TEX47: variants seen among roughly 807,000 people sequenced by gnomAD.
TEX47 encodes testis expressed 47, also known as testis-expressed protein 47.
Under a neutral mutation model 18.0 loss-of-function variants are expected in TEX47, and 18 were observed. The observed-to-expected ratio is 1.00, with a 90% confidence interval of 0.69 to 1.48. The LOEUF (loss-of-function observed/expected upper bound fraction) is 1.48. Ranked by LOEUF, TEX47 falls within the 40% of genes most tolerant of loss-of-function variation. The pLI, the probability that TEX47 is intolerant of heterozygous loss-of-function variation, is 0.00. For missense variants in TEX47, 303 were observed against 300.2 expected (o/e 1.01, Z -0.07); for synonymous variants, 98 against 109.4 (o/e 0.90, Z 0.65).
chr7:88,794,272 A>G lies in TEX47; in HGVS notation c.671T>C (p.Met224Thr), dbSNP rs1790435364. ...CATGTTTATAAATGTTGCCGGGTCCATGAATTCTTCGGATTTGCACAAGTA... is the reference window on the plus strand; with the variant it reads ...CATGTTTATAAATGTTGCCGGGTCCGTGAATTCTTCGGATTTGCACAAGTA... The part of the protein sequence containing the change: ...IKYLCKSEEF[M>T]DPATFINMYN... Residue 224 changes from methionine to threonine, a missense_variant, in exon 2 of 2, where the codon ATG becomes ACG. Physicochemically the swap from Met to Thr is moderately conservative, Grantham distance 81. Coordinates refer to ENST00000297203, the MANE Select transcript of TEX47 (RefSeq NM_152706.4). The G allele has an allele frequency of 1.2e-6, 2 of 1,613,710 alleles. No individual in the cohort carries two copies. The highest frequency in any genetic ancestry group is 1.3e-5 in the African/African-American group (1 of 74,890).
At position 88,794,445 on chromosome 7, in the gene TEX47, G is replaced by A. The variant is rs779350706; in HGVS notation, c.498C>T (p.Ser166=). The change falls in exon 2 of 2, where the codon TCC becomes TCT. Residue 166 remains serine, a synonymous_variant. Transcript: ENST00000297203. ...GAAAATCTGTGATGACCTCCTTTAGGGACTGTGACTGTGTCACATCGTCGA... is the reference window on the plus strand; with the variant it reads ...GAAAATCTGTGATGACCTCCTTTAGAGACTGTGACTGTGTCACATCGTCGA... The part of the protein sequence containing the change: ...MYLDDVTQSQ[S]LKEVITDFLT... 6.2e-7 allele frequency: 1 copy of A among 1,613,560 alleles called. No individual in the cohort carries two copies. Among genetic ancestry groups the A allele is most frequent in the Non-Finnish European group, 8.5e-7 (1 of 1,179,842 alleles).
At position 88,794,847 on chromosome 7, in the gene TEX47, G is replaced by T. The variant is rs759518320; in HGVS notation, c.96C>A (p.His32Gln). 11 of 1,613,544 alleles carry T rather than the reference G, an allele frequency of 6.8e-6. No individual in the cohort carries two copies. The highest frequency in any genetic ancestry group is 1.1e-5 in the South Asian group (1 of 91,056). The change falls in exon 2 of 2, where the codon CAC becomes CAA. Residue 32 changes from histidine (H) to glutamine (Q), a missense_variant. Coordinates refer to ENST00000297203, the MANE Select transcript of TEX47 (RefSeq NM_152706.4). Reference sequence around the variant, plus strand: ...GTAGTCGTTGTTTCTCTTCTTGAAAGTGCAGGTAATTGCTACGTGGGACTT... The same window carrying T: ...GTAGTCGTTGTTTCTCTTCTTGAAATTGCAGGTAATTGCTACGTGGGACTT... ...FLQVPRSNYLHFQEEKQRLHL... is the reference protein window; with the variant it reads ...FLQVPRSNYLQFQEEKQRLHL...
rs368075955 is a variant in TEX47, at chr7:88,794,971, T to C, written c.-29A>G. 4.6e-6 allele frequency: 7 copies of C among 1,522,640 alleles called. No homozygotes were observed. The highest frequency in any genetic ancestry group is 6.1e-6 in the Non-Finnish European group (7 of 1,140,516). The allele number at this position is 1,522,640 out of a possible 1,614,324, so 94.3% of individuals were successfully genotyped here. ...GAGTCTTATTTATTTTTCCAGATGA[T>C]TCCAGCTTTTAGCTTATCATAATAT... On this transcript the variant is annotated 5_prime_UTR_variant, in exon 2 of 2. Transcript: ENST00000297203.
Position 88,794,620 on chromosome 7 carries a change from T to C in TEX47, c.323A>G (p.Tyr108Cys), listed in dbSNP as rs1163877278. Residue 108 changes from tyrosine (Y) to cysteine (C), a missense_variant, in exon 2 of 2, where the codon TAC (tyrosine) becomes TGC (cysteine). Physicochemically the swap from Tyr to Cys is radical, Grantham distance 194 (BLOSUM62 -2). Transcript: ENST00000297203. ...GCCAATATAATCTAAAAGAACTTTG[T>C]AGAGAGTGTCGCTGGAGGACTCGAG... ...HILESSSDTLYKVLLDYIGHV... is the reference protein window; with the variant it reads ...HILESSSDTLCKVLLDYIGHV... The C allele has an allele frequency of 6.2e-7, 1 of 1,613,570 alleles. No individual in the cohort carries two copies. Among genetic ancestry groups the C allele is most frequent in the Non-Finnish European group, 8.5e-7 (1 of 1,179,782 alleles).
chr7:88,795,348 A>G lies in TEX47; in HGVS notation c.-105+292T>C, dbSNP rs10236686. ...CTTTTACAAATCTAACTGATCTATA[A>G]CTTTTAAAAAAAAATCCAAGGCTTT... On this transcript the variant is annotated intron_variant, in intron 1 of 1. Transcript: ENST00000297203. Among the ~76,000 whole-genome samples, 310 of 150,364 alleles carry G rather than the reference A, an allele frequency of 2.1e-3. 2 individuals are homozygous for G. The highest frequency in any genetic ancestry group is 7.3e-3 in the African/African-American group (300 of 40,820).
chr7:88,794,647 A>T lies in TEX47; in HGVS notation c.296T>A (p.Ile99Asn), dbSNP rs1338198877. ...GAGAGTGTCGCTGGAGGACTCGAGG[A>T]TATGCAGAATGGAAGTGGGATAGAT... ...LLIYPTSILH[I>N]LESSSDTLYK... Residue 99 changes from isoleucine (I) to asparagine (N), a missense_variant, in exon 2 of 2, where the codon ATC becomes AAC. By Grantham distance (149) the Ile-to-Asn change is moderately radical. Transcript: ENST00000297203. The T allele has an allele frequency of 1.2e-6, 2 of 1,613,832 alleles. No individual in the cohort carries two copies. Among genetic ancestry groups the T allele is most frequent in the South Asian group, 2.2e-5 (2 of 91,082 alleles).
Position 88,795,001 on chromosome 7 carries a change from G to C in TEX47, c.-59C>G. 1 of 1,433,330 alleles carries C rather than the reference G, an allele frequency of 7.0e-7. No individual in the cohort carries two copies. Among genetic ancestry groups the C allele is most frequent in the African/African-American group, 1.4e-5 (1 of 69,454 alleles). The allele number at this position is 1,433,330 out of a possible 1,614,324, so 88.8% of individuals were successfully genotyped here. ...GCTTTTAGCTTATCATAATATTTAT[G>C]CTGCCAGGGTACCTCTTTACTGATG... is the stretch of plus-strand genomic sequence containing the variant. On this transcript the variant is annotated 5_prime_UTR_variant, in exon 2 of 2. Transcript: ENST00000297203.
rs2115692617 is a variant in TEX47 at position 88,794,685 on chromosome 7, T to A, written c.258A>T (p.Thr86=). The A allele has an allele frequency of 3.7e-6, 6 of 1,613,768 alleles. No homozygotes were observed. The South Asian group carries it at 6.6e-5, about 18-fold the overall frequency. ...VLKHHLGEAV[T]GLLLIYPTSI... ...AAGTGGGATAGATGAGCAGCAATCC[T>A]GTCACTGCTTCTCCTAGGTGATGTT... The change falls in exon 2 of 2, where the codon ACA becomes ACT. Residue 86 remains threonine, a synonymous_variant. Transcript: ENST00000297203.
rs781359459 is a variant in TEX47 at position 88,794,574 on chromosome 7, T to C, written c.369A>G (p.Val123=). Residue 123 remains valine, a synonymous_variant, in exon 2 of 2, where the codon GTA becomes GTG. Coordinates refer to ENST00000297203, the MANE Select transcript of TEX47 (RefSeq NM_152706.4). ...TAATTTTCATTTGTTGAATAAAAAA[T>C]ACTGTTTCATCTTTGACATGGCCAA... ...DYIGHVKDET[V]FFIQQMKIIV... is the part of the protein sequence containing the mutation. 2.2e-5 allele frequency: 36 copies of C among 1,613,666 alleles called. No individual in the cohort carries two copies. The highest frequency in any genetic ancestry group is 3.1e-5 in the Non-Finnish European group (36 of 1,179,788).
At position 88,794,863 on chromosome 7, in the gene TEX47, C is replaced by A. The variant is rs748009547; in HGVS notation, c.80G>T (p.Arg27Leu). 6.2e-7 allele frequency: 1 copy of A among 1,612,900 alleles called. No individual in the cohort carries two copies. The highest frequency in any genetic ancestry group is 8.5e-7 in the Non-Finnish European group (1 of 1,179,536). Residue 27 changes from arginine to leucine, a missense_variant, in exon 2 of 2, where the codon CGT (arginine) becomes CTT (leucine). By Grantham distance (102) the Arg-to-Leu change is moderately radical. Transcript: ENST00000297203. ...TTCTTGAAAGTGCAGGTAATTGCTA[C>A]GTGGGACTTGGAGAAAAAGAAGAGG... The part of the protein sequence containing the change: ...LEPLLFLQVP[R>L]SNYLHFQEEK...
chr7:88,794,633 T>C lies in TEX47; in HGVS notation c.310A>G (p.Ser104Gly), dbSNP rs780769607. ...AAAAGAACTTTGTAGAGAGTGTCGC[T>C]GGAGGACTCGAGGATATGCAGAATG... ...TSILHILESS[S>G]DTLYKVLLDY... Residue 104 changes from serine (S) to glycine (G), a missense_variant, in exon 2 of 2, where the codon AGC (serine) becomes GGC (glycine). Coordinates refer to ENST00000297203, the MANE Select transcript of TEX47 (RefSeq NM_152706.4). 1 of 1,613,814 alleles carries C rather than the reference T, an allele frequency of 6.2e-7. No individual in the cohort carries two copies. The highest frequency in any genetic ancestry group is 1.7e-5 in the Admixed American group (1 of 59,944).
chr7:88,795,277 A>G (rs1298289199), intron 1 of TEX47, among the ~76,000 whole-genome samples: 1 of 152,130 alleles, frequency 6.6e-6, no homozygotes, highest in Non-Finnish European at 1.5e-5. Context: ...GTCCTTTATA[A>G]GCCAAATTTT....
At chr7:88,795,079 G>T in intron 1 of TEX47, 33 bp from the exon 2 acceptor site, 2 of 723,562 alleles carry the variant, frequency 2.8e-6, no homozygotes, top group Non-Finnish European at 4.3e-6. Context: ...ATCACGGTTT[G>T]TCAAATGTTA....
In TEX47 at chr7:88,795,650, T is replaced by G. The variant is rs979251505; in HGVS notation, c.-115A>C. 6.6e-5 allele frequency: 10 copies of G among 152,168 alleles called. No individual in the cohort carries two copies. The highest frequency in any genetic ancestry group is 1.7e-4 in the African/African-American group (7 of 41,442). The allele number at this position is 152,168 out of a possible 1,614,324, so 9.4% of individuals were successfully genotyped here. ...TCCAGGTCAACTTACCATTTTTCTT[T>G]TTTTTCCTGTGCTTCTGTCACGCAC... On this transcript the variant is annotated 5_prime_UTR_variant, in exon 1 of 2. Transcript: ENST00000297203.
chr7:88,794,634 G>A lies in TEX47; in HGVS notation c.309C>T (p.Ser103=), dbSNP rs747501220. Residue 103 remains serine (S), a synonymous_variant, in exon 2 of 2, where the codon TCC becomes TCT. Coordinates refer to ENST00000297203, the MANE Select transcript of TEX47 (RefSeq NM_152706.4). ...PTSILHILES[S]SDTLYKVLLD... ...AAAGAACTTTGTAGAGAGTGTCGCT[G>A]GAGGACTCGAGGATATGCAGAATGG... 56 of 1,613,620 alleles carry A rather than the reference G, an allele frequency of 3.5e-5. No homozygotes were observed. Among genetic ancestry groups the A allele is most frequent in the Non-Finnish European group, 6.8e-6 (8 of 1,179,804 alleles).
Position 88,794,744 on chromosome 7 carries a change from C to A in TEX47, c.199G>T (p.Asp67Tyr). Reference sequence around the variant, plus strand: ...GACTGAAACATTTGTTCATAGTAGTCAGCAACATCTTTTCTTTCTACATTT... The same window carrying A: ...GACTGAAACATTTGTTCATAGTAGTAAGCAACATCTTTTCTTTCTACATTT... ...QANVERKDVA[D>Y]YYEQMFQSVL... Residue 67 changes from aspartate to tyrosine, a missense_variant, in exon 2 of 2, where the codon GAC (aspartate) becomes TAC (tyrosine). Physicochemically the swap from Asp to Tyr is radical, Grantham distance 160. Coordinates refer to ENST00000297203, the MANE Select transcript of TEX47 (RefSeq NM_152706.4). 1 of 1,613,426 alleles carries A rather than the reference C, an allele frequency of 6.2e-7. No homozygotes were observed. The highest frequency in any genetic ancestry group is 1.1e-5 in the South Asian group (1 of 90,954).
rs1342970482 is a variant in TEX47, at chr7:88,794,154, G to T, written c.*27C>A. On this transcript the variant is annotated 3_prime_UTR_variant, in exon 2 of 2. Transcript: ENST00000297203. ...TTTAAGTAGCACAAACTCCTTAAGA[G>T]ACATGGGCACATTATCCCTCTCAAT... 1 of 1,561,508 alleles carries T rather than the reference G, an allele frequency of 6.4e-7. No homozygotes were observed. Among genetic ancestry groups the T allele is most frequent in the Non-Finnish European group, 8.7e-7 (1 of 1,153,522 alleles).
Position 88,794,401 on chromosome 7 carries a change from A to G in TEX47, c.542T>C (p.Leu181Pro). The G allele has an allele frequency of 6.2e-7, 1 of 1,613,738 alleles. No homozygotes were observed. The highest frequency in any genetic ancestry group is 1.1e-5 in the South Asian group (1 of 91,062). ...CATAGTCTGGCAAAGGTAGAGTGAC[A>G]GTTTATGAGTTTGTGTGAGAAAATC... ...ITDFLTQTHKLSLYLCQTMKV... is the reference protein window; with the variant it reads ...ITDFLTQTHKPSLYLCQTMKV... Residue 181 changes from leucine to proline, a missense_variant, in exon 2 of 2, where the codon CTG becomes CCG. By Grantham distance (98) the Leu-to-Pro change is moderately conservative. Coordinates refer to ENST00000297203, the MANE Select transcript of TEX47 (RefSeq NM_152706.4).
Position 88,794,736 on chromosome 7 carries a change from A to G in TEX47, c.207T>C (p.Tyr69=), listed in dbSNP as rs1272395953. Residue 69 remains tyrosine, a synonymous_variant, in exon 2 of 2, where the codon TAT becomes TAC. Transcript: ENST00000297203. ...TCAAAACTGACTGAAACATTTGTTC[A>G]TAGTAGTCAGCAACATCTTTTCTTT... The part of the protein sequence containing the change: ...NVERKDVADY[Y]EQMFQSVLKH... 1.1e-5 allele frequency: 18 copies of G among 1,613,472 alleles called. No individual in the cohort carries two copies. The highest frequency in any genetic ancestry group is 1.5e-5 in the Non-Finnish European group (18 of 1,179,760).
Sources: allele counts gnomAD v4.1 joint callset (sites outside exome capture counted in the v4.1 genomes callset), GRCh38; gene constraint gnomAD v4.1.1; transcripts MANE v1.5; gene names NCBI Gene and HGNC (gene_info 2026-07-23, HGNC 2026-07-21).